FBN2: variants seen among roughly 807,000 people sequenced by gnomAD.
The protein encoded by FBN2 is fibrillin 2.
Under a neutral mutation model 355.6 loss-of-function variants are expected in FBN2, and 105 were observed. The observed-to-expected ratio is 0.30, with a 90% CI of 0.25 to 0.35. The LOEUF (loss-of-function observed/expected upper bound fraction) is 0.35. Ranked by LOEUF, FBN2 falls within the 10% of genes least tolerant of loss-of-function variation. The pLI, the probability that FBN2 is intolerant of heterozygous loss-of-function variation, is 1.00. For synonymous variants in FBN2, 1,350 were observed against 1,301.2 expected, an observed-to-expected ratio of 1.04 and a Z score of -0.81; for missense variants, 3,280 against 3,758.7, an observed-to-expected ratio of 0.87 and a Z score of 3.33.
chr5:128,270,844 A>G (rs1765251911), intron 62 of FBN2, among the ~76,000 whole-genome samples: 2 of 152,214 alleles, frequency 1.3e-5, no homozygotes. Flanking sequence ...GTTCTACAAC[A>G]GTTTTTTTCT....
intron 5 of FBN2, among the ~76,000 whole-genome samples, chr5:128,470,338 A>T (rs927792986): frequency 2.0e-5 from 3 of 152,194 alleles, no homozygotes; most frequent in African/African-American, 7.2e-5. Flanking sequence ...CACGTTGGAG[A>T]GAGTTAAGGA....
intron 36 of FBN2, among the ~76,000 whole-genome samples, chr5:128,313,381 C>A (rs753567270): frequency 6.6e-5 from 10 of 152,136 alleles, no homozygotes; most frequent in Non-Finnish European, 7.3e-5. Context: ...GACCCTTCTA[C>A]CAATTGCCTA....
intron 34 of FBN2, among the ~76,000 whole-genome samples, chr5:128,324,499 T>G (rs1750487353): frequency 6.6e-6 from 1 of 152,222 alleles, no homozygotes; most frequent in Admixed American, 6.5e-5. Flanking sequence ...TTGTTCTCAT[T>G]GGTTTCAAAG....
intron 15 of FBN2, among the ~76,000 whole-genome samples, chr5:128,370,934 T>C (rs1225577038): frequency 6.6e-6 from 1 of 152,188 alleles, no homozygotes; most frequent in African/African-American, 2.4e-5. Flanking sequence ...CCCCACAAGA[T>C]GATCTTACAT....
chr5:128,367,770 T>C (rs1005710483), intron 16 of FBN2, among the ~76,000 whole-genome samples: 1 of 152,146 alleles, frequency 6.6e-6, no homozygotes, highest in Non-Finnish European at 1.5e-5. Flanking sequence ...TTAGTTCACT[T>C]AGGTTTTTGT....
chr5:128,346,052 C>A (rs1420926065), intron 23 of FBN2, among the ~76,000 whole-genome samples: 5 of 152,112 alleles, frequency 3.3e-5, no homozygotes, highest in African/African-American at 1.2e-4. Context: ...AATATTATTA[C>A]ATTTAAAGTT....
At chr5:128,390,636 G>A (rs773492085) in intron 11 of FBN2, among the ~76,000 whole-genome samples, 4 of 152,164 alleles carry the variant, frequency 2.6e-5, no homozygotes, top group African/African-American at 9.7e-5. Flanking sequence ...GAAGCACCAC[G>A]AGTGCCTGTC....
At chr5:128,373,318 T>C (rs1400705940) in intron 15 of FBN2, among the ~76,000 whole-genome samples, 2 of 152,204 alleles carry the variant, frequency 1.3e-5, no homozygotes, top group Admixed American at 1.3e-4. Flanking sequence ...ATATTTTAGC[T>C]CTGTAAGCAG....
At chr5:128,368,434 A>ATATG (rs1491295605) in intron 16 of FBN2, among the ~76,000 whole-genome samples, 1 of 135,792 alleles carries the variant, frequency 7.4e-6, no homozygotes, top group Non-Finnish European at 1.5e-5. Context: ...ATATATATAT[A>ATATG]CACATATATA....
intron 8 of FBN2, among the ~76,000 whole-genome samples, chr5:128,399,694 A>T (rs1308975333): frequency 6.6e-6 from 1 of 152,172 alleles, no homozygotes; most frequent in Non-Finnish European, 1.5e-5. Context: ...GGGGAAGATC[A>T]AAGTTTAACC....
chr5:128,298,607 C>G (rs1443112040), intron 48 of FBN2, among the ~76,000 whole-genome samples: 1 of 152,100 alleles, frequency 6.6e-6, no homozygotes, highest in African/African-American at 2.4e-5. Flanking sequence ...TCGCTGATAC[C>G]CTTTCTTCCA....
chr5:128,408,757 C>G lies in FBN2; in HGVS notation c.995G>C (p.Gly332Ala). The change falls in exon 8 of 65, where the codon GGT becomes GCT. Residue 332 changes from glycine (G) to alanine (A), a missense_variant. Gly to Ala is a moderately conservative substitution (Grantham distance 60, BLOSUM62 0). Transcript: ENST00000262464. ...GCTTCCCACGGTGTTGGAACATTCACCAGTTTCACATATCCCAGGAATGAT... is the reference window on the plus strand; with the variant it reads ...GCTTCCCACGGTGTTGGAACATTCAGCAGTTTCACATATCCCAGGAATGAT... Reference protein sequence around the residue: ...CSIIPGICETGECSNTVGSYF... With the variant: ...CSIIPGICETAECSNTVGSYF... 6.2e-7 allele frequency: 1 copy of G among 1,613,950 alleles called. No homozygotes were observed. Among genetic ancestry groups the G allele is most frequent in the Non-Finnish European group, 8.5e-7 (1 of 1,179,858 alleles).
chr5:128,328,952 A>G, intron 33 of FBN2, 131 bp from the exon 34 acceptor site: 1 of 914,422 alleles, frequency 1.1e-6, no homozygotes, highest in Non-Finnish European at 1.7e-6. Context: ...AGTTAATCAC[A>G]TTCACTTAAA....
At chr5:128,301,976 C>T (rs1161168051) in intron 46 of FBN2, among the ~76,000 whole-genome samples, 2 of 152,082 alleles carry the variant, frequency 1.3e-5, no homozygotes, top group African/African-American at 4.8e-5. Context: ...ACTGGAATTG[C>T]TGATATCAAA....
At chr5:128,504,424 C>T (rs1242232756) in intron 5 of FBN2, among the ~76,000 whole-genome samples, 2 of 152,106 alleles carry the variant, frequency 1.3e-5, no homozygotes, top group Non-Finnish European at 2.9e-5. Flanking sequence ...ATGAAAGCAG[C>T]GTGAGAGGGG....
intron 20 of FBN2, among the ~76,000 whole-genome samples, chr5:128,356,722 A>G (rs1751513398): frequency 1.3e-5 from 2 of 152,252 alleles, no homozygotes; most frequent in South Asian, 4.1e-4. Flanking sequence ...ATATTGAAAG[A>G]TGTTAGTTTA....
chr5:128,530,935 G>T (rs537169787), intron 2 of FBN2, among the ~76,000 whole-genome samples: 1 of 152,056 alleles, frequency 6.6e-6, no homozygotes, highest in South Asian at 2.1e-4. Flanking sequence ...ATCCTTTAAG[G>T]AATCTCCACA....
At position 128,537,667 on chromosome 5, in the gene FBN2, C is replaced by T; in HGVS notation, c.-64G>A. ...AGGGAGTGATCAAAGACAAAATCTG[C>T]GCGCCTCAGAAAAGAGTCAGGGTCT... On this transcript the variant is annotated 5_prime_UTR_variant, in exon 1 of 65. Transcript: ENST00000262464. 1 of 1,517,228 alleles carries T rather than the reference C, an allele frequency of 6.6e-7. No homozygotes were observed. The highest frequency in any genetic ancestry group is 9.0e-7 in the Non-Finnish European group (1 of 1,110,246). The allele number at this position is 1,517,228 out of a possible 1,614,324, so 94.0% of individuals were successfully genotyped here.
At chr5:128,393,879 A>C (rs933635252) in intron 9 of FBN2, among the ~76,000 whole-genome samples, 1 of 152,232 alleles carries the variant, frequency 6.6e-6, no homozygotes, top group Non-Finnish European at 1.5e-5. Flanking sequence ...GTAAGCTTTA[A>C]AATCTGCTCC....
Sources: gnomAD v4.1 joint callset for allele counts (sites outside exome capture counted in the v4.1 genomes callset) on GRCh38, gnomAD v4.1.1 for gene constraint, MANE v1.5 for transcripts, NCBI Gene and HGNC (gene_info 2026-07-23, HGNC 2026-07-21) for gene names.